CD72: variants seen among roughly 807,000 people sequenced by gnomAD.
CD72 encodes the protein CD72 molecule, also known as B-cell differentiation antigen CD72.
In CD72, 28 loss-of-function variants were observed where a neutral mutation model predicts 50.7. That is an observed-to-expected ratio of 0.55 (90% CI 0.41 to 0.76). The LOEUF (loss-of-function observed/expected upper bound fraction) is 0.76, where lower values mean the gene tolerates loss of function less well. Ranked by LOEUF, CD72 falls within the 30% of genes least tolerant of loss-of-function variation. CD72 has a pLI of 0.00. For missense variants in CD72, 403 were observed against 420.6 expected, an observed-to-expected ratio of 0.96 and a Z score of 0.37; for synonymous variants, 176 against 171.2, an observed-to-expected ratio of 1.03 and a Z score of -0.22.
chr9:35,646,526 G>T (rs1396021635), exon 1 of CD72: 1 of 152,350 alleles, frequency 6.6e-6, no homozygotes, highest in Non-Finnish European at 1.5e-5. Context: ...TAGGGAAACT[G>T]CCCAGTCCTT....
At chr9:35,617,099 G>A in intron 3 of CD72, 77 bp downstream of exon 3, 1 of 1,538,642 alleles carries the variant, frequency 6.5e-7, no homozygotes. Context: ...GCTGCACCCC[G>A]CGGGGCCCAG....
At chr9:35,645,056 G>A (rs892715381) in intron 1 of CD72, among the ~76,000 whole-genome samples, 2 of 150,784 alleles carry the variant, frequency 1.3e-5, no homozygotes, top group African/African-American at 2.4e-5. Flanking sequence ...AAAATAAGCC[G>A]GGGGTGGTGG....
At chr9:35,623,908 C>T (rs138600304), upstream of CD72, among the ~76,000 whole-genome samples, 5,552 of 142,082 alleles carry the variant, frequency 0.039, 108 homozygotes, top group African/African-American at 0.046. Context: ...AGCAAGACTC[C>T]GTCTCAGAAA....
intron 1 of CD72, among the ~76,000 whole-genome samples, chr9:35,644,350 C>CAAAAAAAAAAAAAAAAAAA (rs74176726): frequency 1.5e-5 from 1 of 68,194 alleles, no homozygotes; most frequent in Non-Finnish European, 2.6e-5. Flanking sequence ...AACTCTGTCT[C>CAAAAAAAAAAAAAAAAAAA]AAAAAAAAAA....
chr9:35,616,839 C>T (rs2131766188), intron 3 of CD72, 150 bp from the exon 4 acceptor site: 1 of 994,736 alleles, frequency 1.0e-6, no homozygotes, highest in East Asian at 2.6e-5. Flanking sequence ...TGGTTTCTGT[C>T]GGGTAGCGGG....
intron 1 of CD72, among the ~76,000 whole-genome samples, chr9:35,632,391 T>C (rs187094213): frequency 2.6e-5 from 4 of 151,974 alleles, no homozygotes; most frequent in Admixed American, 6.6e-5. Flanking sequence ...AGGATGGTCT[T>C]GACCTCCTGA....
At chr9:35,628,851 C>T (rs2131780274) in intron 1 of CD72, among the ~76,000 whole-genome samples, 1 of 152,248 alleles carries the variant, frequency 6.6e-6, no homozygotes, top group Admixed American at 6.5e-5. Flanking sequence ...CAGTTTTTCG[C>T]CATGCATGTA....
At chr9:35,617,132 C>T (rs1268349772) in intron 3 of CD72, 44 bp downstream of exon 3, 3 of 1,549,620 alleles carry the variant, frequency 1.9e-6, no homozygotes, top group Non-Finnish European at 1.7e-6. Flanking sequence ...CCGGGACAGG[C>T]GCGAGCACTT....
chr9:35,624,353 G>A (rs1377301253), upstream of CD72, among the ~76,000 whole-genome samples: 2 of 151,980 alleles, frequency 1.3e-5, no homozygotes, highest in African/African-American at 2.4e-5. Context: ...TGGACATCAG[G>A]ATGAGTTTAT....
At chr9:35,618,979 G>C, upstream of CD72, 2 of 323,708 alleles carry the variant, frequency 6.2e-6, no homozygotes, top group Non-Finnish European at 1.2e-5. Context: ...GGTGAGCAAG[G>C]GAGTTGCAGA....
chr9:35,619,221 G>T (rs558485100), upstream of CD72, among the ~76,000 whole-genome samples: 3 of 152,130 alleles, frequency 2.0e-5, no homozygotes, highest in African/African-American at 7.2e-5. Context: ...CCCAGGGACC[G>T]CGAGGCCCTC....
At chr9:35,615,916 C>T in intron 5 of CD72, 27 bp downstream of exon 5, 1 of 1,578,388 alleles carries the variant, frequency 6.3e-7, no homozygotes. Flanking sequence ...CCATCCCTCC[C>T]TTCTCTCCTC....
Position 35,616,025 on chromosome 9 carries a change from C to G in CD72, c.606G>C (p.Glu202Asp), listed in dbSNP as rs933901182. ...GCTCCAAGGCCCTCCTCTGTTGCTC[C>G]TCACTTTGCAAGGTCTCCTTCGTCT... Reference protein sequence around the residue: ...RQKTKETLQSEEQQRRALEQK... With the variant: ...RQKTKETLQSDEQQRRALEQK... The change falls in exon 5 of 9, where the codon GAG becomes GAC. Residue 202 changes from glutamate (E) to aspartate (D), a missense_variant. Coordinates refer to ENST00000259633, the MANE Select transcript of CD72 (RefSeq NM_001782.3). 6.2e-7 allele frequency: 1 copy of G among 1,614,076 alleles called. No homozygotes were observed. Among genetic ancestry groups the G allele is most frequent in the African/African-American group, 1.3e-5 (1 of 75,010 alleles).
chr9:35,616,108 G>C lies in CD72; in HGVS notation c.523C>G (p.Gln175Glu). The stretch of plus-strand genomic sequence containing the variant: ...CCTTCGGCCGCCTGATGAGCCCTCT[G>C]TTCCACCTGTAGTGCTTCCTGACTC... ...AQSQEALQVE[Q>E]RAHQAAEGQL... The change falls in exon 5 of 9, where the codon CAG becomes GAG. Residue 175 changes from glutamine to glutamate, a missense_variant. By Grantham distance (29) the Gln-to-Glu change is conservative. Transcript: ENST00000259633. 6.2e-7 allele frequency: 1 copy of C among 1,614,134 alleles called. No individual in the cohort carries two copies. The highest frequency in any genetic ancestry group is 1.1e-5 in the South Asian group (1 of 91,078).
chr9:35,623,423 T>C (rs1402437043), upstream of CD72, among the ~76,000 whole-genome samples: 2 of 152,182 alleles, frequency 1.3e-5, no homozygotes, highest in African/African-American at 2.4e-5. Flanking sequence ...GTAGCCCCCT[T>C]ACCAAATACA....
chr9:35,622,653 G>A (rs922784494), upstream of CD72, among the ~76,000 whole-genome samples: 10 of 152,030 alleles, frequency 6.6e-5, no homozygotes, highest in African/African-American at 1.2e-4. Flanking sequence ...CGGGCATGGC[G>A]GCGCACACCT....
chr9:35,611,989 C>T (rs1396173434), intron 6 of CD72, 70 bp from the exon 7 acceptor site: 1 of 843,964 alleles, frequency 1.2e-6, no homozygotes, highest in Non-Finnish European at 2.0e-6. Context: ...AATGCACACC[C>T]TAGGGAGGCC....
chr9:35,634,595 C>T (rs963408996), intron 1 of CD72, among the ~76,000 whole-genome samples: 2 of 152,176 alleles, frequency 1.3e-5, no homozygotes, highest in African/African-American at 2.4e-5. Context: ...TCAGGTGATC[C>T]GCCCACCTCG....
Position 35,616,585 on chromosome 9 carries a change from G to A in CD72, c.352+15C>T, listed in dbSNP as rs1298495928. The stretch of plus-strand genomic sequence containing the variant: ...TCGTTCGGTGTAAGTGGGAAGTAGG[G>A]ACAGCCTTACTCACAGCGCACTCCC... On this transcript the variant is annotated intron_variant, in intron 4 of 8. Coordinates refer to ENST00000259633, the MANE Select transcript of CD72 (RefSeq NM_001782.3). 1 of 1,601,462 alleles carries A rather than the reference G, an allele frequency of 6.2e-7. No individual in the cohort carries two copies. The highest frequency in any genetic ancestry group is 1.1e-5 in the South Asian group (1 of 90,798).
Sources: gnomAD v4.1 joint callset for allele counts (sites outside exome capture counted in the v4.1 genomes callset) on GRCh38, gnomAD v4.1.1 for gene constraint, MANE v1.5 for transcripts, NCBI Gene and HGNC (gene_info 2026-07-23, HGNC 2026-07-21) for gene names.